NECTIN1: variants seen among roughly 807,000 people sequenced by gnomAD.
NECTIN1 encodes the protein nectin cell adhesion molecule 1, also known as nectin-1.
A neutral mutation model predicts 48.0 loss-of-function variants in NECTIN1; 23 were observed. The ratio of observed to expected loss-of-function variants is 0.48; its 90% CI spans 0.34 to 0.68. The LOEUF (loss-of-function observed/expected upper bound fraction) is 0.68, where lower values mean the gene tolerates loss of function less well. Ranked by LOEUF, NECTIN1 falls within the 30% of genes least tolerant of loss-of-function variation. The probability of loss-of-function intolerance (pLI) is 0.01; values close to 1 mark genes in which losing one functional copy is unlikely to be tolerated. For missense variants in NECTIN1, 591 were observed against 709.9 expected (o/e 0.83, Z 1.90); for synonymous variants, 270 against 288.9 (o/e 0.93, Z 0.66).
intron 4 of NECTIN1, among the ~76,000 whole-genome samples, chr11:119,676,569 G>A (rs988215495): frequency 6.6e-6 from 1 of 152,236 alleles, no homozygotes; most frequent in Non-Finnish European, 1.5e-5. Context: ...AGAAGGCGAA[G>A]GCAAGGCAAG....
intron 1 of NECTIN1, chr11:119,687,430 G>C (rs1865176732): frequency 6.6e-6 from 1 of 152,104 alleles, no homozygotes; most frequent in Non-Finnish European, 1.5e-5. Flanking sequence ...TCATGGTCTG[G>C]CCAACCTGGA....
rs147357554 is a variant in NECTIN1 at position 119,675,245 on chromosome 11, A to G, written c.917T>C (p.Ile306Thr). ...GTAGGTCCCTGCCAGGCTGTAGTTG[A>G]TGGGTCCCTTGAAGAAGAGGGTTCT... ...QNRTLFFKGP[I>T]NYSLAGTYIC... Residue 306 changes from isoleucine (I) to threonine (T), a missense_variant, in exon 5 of 6, where the codon ATC (isoleucine) becomes ACC (threonine). Ile to Thr is a moderately conservative substitution (Grantham distance 89, BLOSUM62 -1). Transcript: ENST00000264025. 6.2e-7 allele frequency: 1 copy of G among 1,613,894 alleles called. No individual in the cohort carries two copies. The highest frequency in any genetic ancestry group is 8.5e-7 in the Non-Finnish European group (1 of 1,180,020).
intron 5 of NECTIN1, among the ~76,000 whole-genome samples, chr11:119,644,601 G>A (rs1036666179): frequency 2.6e-5 from 4 of 152,212 alleles, no homozygotes; most frequent in Non-Finnish European, 5.9e-5. Flanking sequence ...GCTAATGGAG[G>A]AGTCATACAC....
chr11:119,714,559 G>A (rs1480579800), intron 1 of NECTIN1, among the ~76,000 whole-genome samples: 2 of 152,130 alleles, frequency 1.3e-5, no homozygotes, highest in African/African-American at 4.8e-5. Flanking sequence ...AGGCAGAGGG[G>A]AATGCTCCAC....
intron 4 of NECTIN1, 167 bp downstream of exon 4, chr11:119,676,935 T>A: frequency 1.5e-6 from 1 of 679,848 alleles, no homozygotes; most frequent in Non-Finnish European, 2.7e-6. Context: ...AATGTATATG[T>A]GTGTGTTGGG....
chr11:119,664,483 G>A lies in NECTIN1; in HGVS notation c.*264C>T. On this transcript the variant is annotated 3_prime_UTR_variant, in exon 6 of 6. Coordinates refer to ENST00000264025, the MANE Select transcript of NECTIN1 (RefSeq NM_002855.5). The stretch of plus-strand genomic sequence containing the variant: ...CCTACACAGAGGGCAGGCAGGTGGG[G>A]CCCGTAAAGGGAAGATACAGTAACA... The A allele has an allele frequency of 3.0e-6, 4 of 1,325,660 alleles. No homozygotes were observed. The highest frequency in any genetic ancestry group is 3.9e-6 in the Non-Finnish European group (4 of 1,037,298). 82.1% of individuals were successfully genotyped at this position (1,325,660 alleles called of 1,614,324 possible).
intron 1 of NECTIN1, among the ~76,000 whole-genome samples, chr11:119,700,836 T>C (rs564369755): frequency 6.6e-6 from 1 of 152,298 alleles, no homozygotes; most frequent in African/African-American, 2.4e-5. Context: ...ATGGGGGGTA[T>C]ATGAGAAAAG....
In NECTIN1 at chr11:119,672,106, C is replaced by G. The variant is rs1864868677; in HGVS notation, c.1003+3053G>C. 6.6e-6 allele frequency among the ~76,000 whole-genome samples: 1 copy of G among 152,244 alleles called. No individual in the cohort carries two copies. The highest frequency in any genetic ancestry group is 1.5e-5 in the Non-Finnish European group (1 of 68,042). On this transcript the variant is annotated intron_variant, in intron 5 of 5. Transcript: ENST00000264025. The surrounding 1 kb of genome is among the most constrained non-coding windows in gnomAD (Gnocchi z 4.3). ...AAGAACTCCAGGACTGATGGGCAGACTGTGACCCTCACCTGCAAGGGATGA... is the reference window on the plus strand; with the variant it reads ...AAGAACTCCAGGACTGATGGGCAGAGTGTGACCCTCACCTGCAAGGGATGA...
At chr11:119,725,938 A>G (rs1865901389) in intron 1 of NECTIN1, among the ~76,000 whole-genome samples, 1 of 152,100 alleles carries the variant, frequency 6.6e-6, no homozygotes, top group African/African-American at 2.4e-5. Context: ...TGCCCCACTG[A>G]CCCTCTCCTC....
rs1466093953 is a variant in NECTIN1 at position 119,678,091 on chromosome 11, C to T, written c.431-234G>A. 6.6e-6 allele frequency among the ~76,000 whole-genome samples: 1 copy of T among 152,198 alleles called. No individual in the cohort carries two copies. Among genetic ancestry groups the T allele is most frequent in the Non-Finnish European group, 1.5e-5 (1 of 68,034 alleles). On this transcript the variant is annotated intron_variant, in intron 2 of 5. Transcript: ENST00000264025. The surrounding 1 kb of genome is among the most constrained non-coding windows in gnomAD (Gnocchi z 4.4). ...TATCCCTGTCATCGAGCTTAGGCCT[C>T]CTGGAGTCCCAGCATGTCTAAGGCA...
chr11:119,706,509 T>C lies in NECTIN1; in HGVS notation c.79+21966A>G, dbSNP rs547717996. Among the ~76,000 whole-genome samples the C allele has an allele frequency of 9.8e-5, 15 of 152,346 alleles. No homozygotes were observed. In the South Asian group the frequency reaches 3.1e-3, roughly 32 times the overall value. On this transcript the variant is annotated intron_variant, in intron 1 of 5. Coordinates refer to ENST00000264025, the MANE Select transcript of NECTIN1 (RefSeq NM_002855.5). ...CCTTCTAGCCAGGCACCACTGTATC[T>C]TCTCTCTGCACGCATTGCACCCTTG...
chr11:119,703,820 T>G (rs1204878809), intron 1 of NECTIN1, among the ~76,000 whole-genome samples: 2 of 152,208 alleles, frequency 1.3e-5, no homozygotes, highest in African/African-American at 4.8e-5. Context: ...AAATGCAAGG[T>G]AGCTTATTGC....
intron 1 of NECTIN1, among the ~76,000 whole-genome samples, chr11:119,708,764 C>T (rs921132935): frequency 6.6e-6 from 1 of 151,954 alleles, no homozygotes; most frequent in Non-Finnish European, 1.5e-5. Flanking sequence ...TTGTGGTTTG[C>T]GAATTATATC....
intron 1 of NECTIN1, chr11:119,712,747 G>C (rs1865675780): frequency 6.6e-6 from 1 of 152,210 alleles, no homozygotes; most frequent in African/African-American, 2.4e-5. Flanking sequence ...CCCGGAGTTA[G>C]AGATGAAAAA....
At chr11:119,714,294 C>T (rs1437917620) in intron 1 of NECTIN1, among the ~76,000 whole-genome samples, 2 of 152,146 alleles carry the variant, frequency 1.3e-5, no homozygotes, top group East Asian at 3.9e-4. Context: ...ATGCCAAAAG[C>T]GGGGTGCCTC....
intron 1 of NECTIN1, among the ~76,000 whole-genome samples, chr11:119,705,619 G>A (rs1213729763): frequency 6.6e-6 from 1 of 152,230 alleles, no homozygotes; most frequent in Non-Finnish European, 1.5e-5. Context: ...TGATGCAGGG[G>A]CCAGGCCTCT....
chr11:119,692,397 G>A (rs1865272053), intron 1 of NECTIN1, among the ~76,000 whole-genome samples: 1 of 152,158 alleles, frequency 6.6e-6, no homozygotes, highest in Non-Finnish European at 1.5e-5. Context: ...GCCGAGAAGT[G>A]GCTTGTGGCA....
chr11:119,695,351 C>T (rs1418909887), intron 1 of NECTIN1, among the ~76,000 whole-genome samples: 1 of 141,670 alleles, frequency 7.1e-6, no homozygotes, highest in African/African-American at 2.5e-5. Flanking sequence ...AAAACTCCTA[C>T]CCACCCTTCA....
rs1565400724 is a variant in NECTIN1, at chr11:119,710,434, A to AC, written c.79+18040_79+18041insG. 1.5e-3 allele frequency among the ~76,000 whole-genome samples: 220 copies of AC among 151,466 alleles called. 3 individuals are homozygous for AC. The highest frequency in any genetic ancestry group is 5.2e-3 in the South Asian group (25 of 4,814). The stretch of plus-strand genomic sequence containing the variant: ...GGGCTATAAACACACACACACACAC[A>AC]GCCCTGCATGCGTGTGTATGCATGT... On this transcript the variant is annotated intron_variant, in intron 1 of 5. Coordinates refer to ENST00000264025, the MANE Select transcript of NECTIN1 (RefSeq NM_002855.5).
Sources: gnomAD v4.1 joint callset for allele counts (sites outside exome capture counted in the v4.1 genomes callset) on GRCh38, gnomAD v4.1.1 for gene constraint, Gnocchi (gnomAD v3.1) non-coding constraint, MANE v1.5 for transcripts, NCBI Gene and HGNC (gene_info 2026-07-23, HGNC 2026-07-21) for gene names.